PKNOX2: variants seen among roughly 807,000 people sequenced by gnomAD.
PKNOX2 encodes homeobox protein PKNOX2.
A neutral mutation model predicts 53.1 loss-of-function variants in PKNOX2; 14 were observed. The observed-to-expected ratio is 0.26, with a 90% CI of 0.17 to 0.41. PKNOX2 has a LOEUF of 0.41. Among genes scored for constraint, PKNOX2 ranks in the 10% least tolerant of loss-of-function variants. The pLI is 1.00. For synonymous variants in PKNOX2, 257 were observed against 242.8 expected (o/e 1.06, Z -0.54); for missense variants, 496 against 602.8 (o/e 0.82, Z 1.85).
At chr11:125,275,249 G>A (rs1172473787) in intron 2 of PKNOX2, among the ~76,000 whole-genome samples, 2 of 152,172 alleles carry the variant, frequency 1.3e-5, no homozygotes, top group African/African-American at 4.8e-5. Flanking sequence ...GAACCTGATG[G>A]TTGAGAAAGT....
chr11:125,286,969 T>C (rs535579630), intron 2 of PKNOX2, among the ~76,000 whole-genome samples: 1 of 152,206 alleles, frequency 6.6e-6, no homozygotes, highest in Non-Finnish European at 1.5e-5. Flanking sequence ...CAGGAAAACA[T>C]GTGCTGCACG....
At chr11:125,274,982 C>T (rs1206239143) in intron 2 of PKNOX2, among the ~76,000 whole-genome samples, 2 of 152,216 alleles carry the variant, frequency 1.3e-5, no homozygotes, top group African/African-American at 2.4e-5. Flanking sequence ...AGGCAGTCAA[C>T]AAATGCTAGA....
intron 2 of PKNOX2, among the ~76,000 whole-genome samples, chr11:125,277,205 A>T (rs1396712857): frequency 6.6e-6 from 1 of 152,178 alleles, no homozygotes; most frequent in African/African-American, 2.4e-5. Flanking sequence ...CGGCCATGTG[A>T]GTGGAGCAAA....
At chr11:125,330,135 CT>C (rs1950054070) in intron 2 of PKNOX2, 1 of 152,730 alleles carries the variant, frequency 6.5e-6, no homozygotes, top group African/African-American at 2.4e-5. Context: ...CCCTTTGTAG[CT>C]TGTGCAGCTG....
chr11:125,293,183 T>C (rs906652708), intron 2 of PKNOX2, among the ~76,000 whole-genome samples: 6 of 152,048 alleles, frequency 3.9e-5, no homozygotes, highest in Non-Finnish European at 5.9e-5. Flanking sequence ...AGTAGAAATA[T>C]TTACACACAC....
At chr11:125,167,336 A>G (rs1056707084) in intron 1 of PKNOX2, among the ~76,000 whole-genome samples, 6 of 152,074 alleles carry the variant, frequency 3.9e-5, no homozygotes, top group African/African-American at 1.2e-4. Context: ...AAGACGCACG[A>G]CCCACGACCC....
At chr11:125,360,663 C>T (rs897445792) in intron 4 of PKNOX2, among the ~76,000 whole-genome samples, 2 of 152,190 alleles carry the variant, frequency 1.3e-5, no homozygotes, top group Admixed American at 6.5e-5. Context: ...GCAGGGGTGG[C>T]ACCCACACTG....
chr11:125,199,331 C>A (rs1938163749), intron 1 of PKNOX2, among the ~76,000 whole-genome samples: 1 of 152,156 alleles, frequency 6.6e-6, no homozygotes, highest in Non-Finnish European at 1.5e-5. Context: ...CCCACCATTG[C>A]CCAGGTACCC....
chr11:125,397,753 G>C, intron 6 of PKNOX2, 121 bp from the exon 7 acceptor site: 1 of 1,025,450 alleles, frequency 9.8e-7, no homozygotes, highest in South Asian at 1.6e-5. Flanking sequence ...ATCAAGTGTA[G>C]GAAGCATGAG....
At chr11:125,315,355 C>G (rs1413561053) in intron 2 of PKNOX2, among the ~76,000 whole-genome samples, 1 of 146,492 alleles carries the variant, frequency 6.8e-6, no homozygotes. Flanking sequence ...AAAATTGATG[C>G]GTTATTAATC....
intron 1 of PKNOX2, among the ~76,000 whole-genome samples, chr11:125,194,956 C>T (rs1957096634): frequency 6.6e-6 from 1 of 152,156 alleles, no homozygotes; most frequent in Non-Finnish European, 1.5e-5. Flanking sequence ...TCCTACCTTC[C>T]TGACGCTCTT....
chr11:125,354,209 C>T (rs542164964), intron 4 of PKNOX2, among the ~76,000 whole-genome samples: 1 of 152,280 alleles, frequency 6.6e-6, no homozygotes, highest in African/African-American at 2.4e-5. Flanking sequence ...TCAGAATGCT[C>T]ATATCCCCAA....
At chr11:125,295,361 G>A (rs911827447) in intron 2 of PKNOX2, among the ~76,000 whole-genome samples, 1 of 152,198 alleles carries the variant, frequency 6.6e-6, no homozygotes, top group Non-Finnish European at 1.5e-5. Context: ...CAGCTCTAGG[G>A]ATATATAGAT....
At chr11:125,421,131 G>A (rs938073035) in intron 10 of PKNOX2, among the ~76,000 whole-genome samples, 7 of 152,178 alleles carry the variant, frequency 4.6e-5, no homozygotes, top group Admixed American at 4.6e-4. Context: ...TCAGCACTAA[G>A]GGGGTTGATC....
intron 7 of PKNOX2, among the ~76,000 whole-genome samples, chr11:125,409,311 A>T (rs1955328798): frequency 6.6e-6 from 1 of 152,206 alleles, no homozygotes; most frequent in South Asian, 2.1e-4. Flanking sequence ...TGAGGAGAGC[A>T]GAGGGCCAGG....
chr11:125,193,185 C>A (rs958242339), intron 1 of PKNOX2, among the ~76,000 whole-genome samples: 1 of 152,218 alleles, frequency 6.6e-6, no homozygotes, highest in African/African-American at 2.4e-5. Flanking sequence ...TCCAAGCTTA[C>A]AAGACCAGTT....
rs538051199 is a variant in PKNOX2, at chr11:125,398,034, A to C, written c.560A>C (p.Asn187Thr). The change falls in exon 7 of 13, where the codon AAC (asparagine) becomes ACC (threonine). Residue 187 changes from asparagine (N) to threonine (T), a missense_variant. Around this residue, in one of 5 missense-constraint regions of PKNOX2, gnomAD observed 141 missense variants for 143.9 expected, o/e 0.98. Coordinates refer to ENST00000298282, the MANE Select transcript of PKNOX2 (RefSeq NM_001382323.2). ...GATCTAGGGGGGCCCTACTCCCCCAACCAGCCCTCCATCAACCTTCACTCA... is the reference window on the plus strand; with the variant it reads ...GATCTAGGGGGGCCCTACTCCCCCACCCAGCCCTCCATCAACCTTCACTCA... ...RNDLGGPYSP[N>T]QPSINLHSQD... 2 of 1,612,978 alleles carry C rather than the reference A, an allele frequency of 1.2e-6. No homozygotes were observed. Among genetic ancestry groups the C allele is most frequent in the East Asian group, 2.2e-5 (1 of 44,858 alleles).
intron 1 of PKNOX2, among the ~76,000 whole-genome samples, chr11:125,200,606 CT>C (rs1938327225): frequency 6.6e-6 from 1 of 152,250 alleles, no homozygotes; most frequent in African/African-American, 2.4e-5. Context: ...CAACCTCCCC[CT>C]GGCCCTCCGT....
chr11:125,198,652 G>T (rs573767674), intron 1 of PKNOX2, among the ~76,000 whole-genome samples: 2 of 152,174 alleles, frequency 1.3e-5, no homozygotes, highest in Admixed American at 1.3e-4. Context: ...ACAGGGGCCT[G>T]CTCTAAGACA....
Sources: gnomAD v4.1 joint callset for allele counts (sites outside exome capture counted in the v4.1 genomes callset) on GRCh38, gnomAD v4.1.1 for gene constraint, gnomAD v4.1.1 regional missense constraint, MANE v1.5 for transcripts, NCBI Gene and HGNC (gene_info 2026-07-23, HGNC 2026-07-21) for gene names.